GALNT13: variants seen among roughly 807,000 people sequenced by gnomAD.
GALNT13 encodes the protein UDP-GalNAc:polypeptide N-acetylgalactosaminyltransferase 13.
In GALNT13, 28 loss-of-function variants were observed where a neutral mutation model predicts 64.2. That is an observed-to-expected ratio of 0.44 (90% CI 0.32 to 0.60). The LOEUF (loss-of-function observed/expected upper bound fraction) is 0.60. Among genes scored for constraint, GALNT13 ranks in the 20% least tolerant of loss-of-function variants. GALNT13 has a pLI of 0.05. For synonymous variants in GALNT13, 214 were observed against 224.6 expected, an observed-to-expected ratio of 0.95 and a Z score of 0.42; for missense variants, 577 against 669.8, an observed-to-expected ratio of 0.86 and a Z score of 1.53.
At chr2:153,585,713 T>C in the GALNT13 span, among the ~76,000 whole-genome samples, 1 of 152,016 alleles carries the variant, frequency 6.6e-6, no homozygotes, top group Non-Finnish European at 1.5e-5. Context: ...AGGAAACTCC[T>C]TCATACTACC....
At chr2:153,763,349 C>T in the GALNT13 span, among the ~76,000 whole-genome samples, 1 of 152,134 alleles carries the variant, frequency 6.6e-6, no homozygotes, top group Non-Finnish European at 1.5e-5. Flanking sequence ...TTGGCTGTGT[C>T]TTCACCCATA....
At chr2:153,348,281 C>T in the GALNT13 span, among the ~76,000 whole-genome samples, 1 of 152,156 alleles carries the variant, frequency 6.6e-6, no homozygotes, top group Non-Finnish European at 1.5e-5. Context: ...TTTAAAAGAA[C>T]AGACCTTTCA....
At chr2:154,145,100 C>CTATCTATCTATCTATCTATCTA (rs796615512) in intron 4 of GALNT13, among the ~76,000 whole-genome samples, 3 of 119,532 alleles carry the variant, frequency 2.5e-5, no homozygotes, top group Non-Finnish European at 5.2e-5. Flanking sequence ...ATCTATCTAT[C>CTATCTATCTATCTATCTATCTA]TATATATATA....
intron 4 of GALNT13, among the ~76,000 whole-genome samples, chr2:154,169,559 C>T (rs1401586871): frequency 1.3e-5 from 2 of 152,062 alleles, no homozygotes; most frequent in Admixed American, 6.6e-5. Context: ...TCAAAACTGC[C>T]CCATATTGGC....
the GALNT13 span, among the ~76,000 whole-genome samples, chr2:153,312,364 AG>A: frequency 6.6e-6 from 1 of 152,174 alleles, no homozygotes; most frequent in African/African-American, 2.4e-5. Flanking sequence ...CTAATGATGG[AG>A]GCTTTTTTCA....
the GALNT13 span, among the ~76,000 whole-genome samples, chr2:153,833,212 G>C: frequency 6.6e-6 from 1 of 152,132 alleles, no homozygotes; most frequent in Non-Finnish European, 1.5e-5. Flanking sequence ...TTGAATTCAT[G>C]TAATCCTTAT....
intron 3 of GALNT13, among the ~76,000 whole-genome samples, 183 bp downstream of exon 3, chr2:153,944,822 TC>T (rs1389887514): frequency 6.6e-6 from 1 of 152,196 alleles, no homozygotes; most frequent in African/African-American, 2.4e-5. Context: ...TTAGGCGTCT[TC>T]TTGGAAGAAA....
chr2:153,603,758 AT>A, the GALNT13 span, among the ~76,000 whole-genome samples: 27 of 151,926 alleles, frequency 1.8e-4, no homozygotes, highest in Admixed American at 1.4e-3. Flanking sequence ...TCAACATTAG[AT>A]TTTCTTGATG....
chr2:153,716,751 CT>C, the GALNT13 span, among the ~76,000 whole-genome samples: 41,659 of 151,900 alleles, frequency 0.27, 6,734 homozygotes, highest in Non-Finnish European at 0.36. Context: ...CTAGTTATTT[CT>C]AATAAACAGG....
At chr2:153,397,860 T>C in the GALNT13 span, among the ~76,000 whole-genome samples, 1 of 152,166 alleles carries the variant, frequency 6.6e-6, no homozygotes, top group Admixed American at 6.6e-5. Flanking sequence ...TATAGGTTTT[T>C]GAAATTTCCA....
At chr2:154,166,651 C>A (rs2105685301) in intron 4 of GALNT13, among the ~76,000 whole-genome samples, 1 of 152,302 alleles carries the variant, frequency 6.6e-6, no homozygotes, top group Middle Eastern at 3.4e-3. Context: ...GATTATAAAT[C>A]ATGCTGCTAT....
the GALNT13 span, among the ~76,000 whole-genome samples, chr2:153,525,662 T>C: frequency 6.6e-6 from 1 of 151,026 alleles, no homozygotes; most frequent in African/African-American, 2.4e-5. Context: ...CCCCCACCAG[T>C]ATGTGAAAAA....
chr2:153,609,002 C>T, the GALNT13 span, among the ~76,000 whole-genome samples: 15 of 150,200 alleles, frequency 1.0e-4, no homozygotes, highest in African/African-American at 2.5e-4. Context: ...CTGCAACTTC[C>T]GCCTTCAGGG....
At chr2:154,050,233 G>A (rs974468076) in intron 3 of GALNT13, among the ~76,000 whole-genome samples, 1 of 152,118 alleles carries the variant, frequency 6.6e-6, no homozygotes, top group African/African-American at 2.4e-5. Context: ...TAATAGTGAG[G>A]TGATGTGGAT....
the GALNT13 span, among the ~76,000 whole-genome samples, chr2:153,069,656 A>G: frequency 1.3e-5 from 2 of 152,186 alleles, no homozygotes; most frequent in African/African-American, 4.8e-5. Context: ...TTCTAGCAAT[A>G]TTTGCTGAGA....
chr2:154,215,724 A>G (rs1172996298), intron 4 of GALNT13, among the ~76,000 whole-genome samples: 2 of 152,056 alleles, frequency 1.3e-5, no homozygotes, highest in East Asian at 3.9e-4. Flanking sequence ...TTTTTTCTGA[A>G]TCTCCAGCTC....
the GALNT13 span, among the ~76,000 whole-genome samples, chr2:153,440,490 G>A: frequency 6.6e-6 from 1 of 152,070 alleles, no homozygotes; most frequent in Non-Finnish European, 1.5e-5. Context: ...TGGGTCAAAT[G>A]GTATTTCTGG....
At chr2:153,345,580 C>A in the GALNT13 span, among the ~76,000 whole-genome samples, 6 of 151,842 alleles carry the variant, frequency 4.0e-5, no homozygotes, top group Non-Finnish European at 7.4e-5. Flanking sequence ...CCACACCCTG[C>A]CCCCAACCCC....
the GALNT13 span, among the ~76,000 whole-genome samples, chr2:153,323,568 C>T: frequency 2.6e-5 from 4 of 152,110 alleles, no homozygotes; most frequent in Admixed American, 2.0e-4. Context: ...TTTGCCCATG[C>T]CTATGTCCTG....
Sources: gnomAD v4.1 joint callset for allele counts (sites outside exome capture counted in the v4.1 genomes callset) on GRCh38, gnomAD v4.1.1 for gene constraint, MANE v1.5 for transcripts, NCBI Gene and HGNC (gene_info 2026-07-23, HGNC 2026-07-21) for gene names.